Variants in SRFBP1 observed in about 807,000 individuals in gnomAD.
The protein encoded by SRFBP1 is serum response factor binding protein 1.
Under a neutral mutation model 45.5 loss-of-function variants are expected in SRFBP1, and 47 were observed. That is an observed-to-expected ratio of 1.03 (90% CI 0.82 to 1.32). SRFBP1 has a LOEUF of 1.32. SRFBP1 is among the 40% of genes most tolerant of loss of function. The pLI, the probability that SRFBP1 is intolerant of heterozygous loss-of-function variation, is 0.00. For synonymous variants in SRFBP1, 203 were observed against 166.3 expected, an observed-to-expected ratio of 1.22 and a Z score of -1.70; for missense variants, 621 against 484.6, an observed-to-expected ratio of 1.28 and a Z score of -2.64.
At chr5:121,974,765 G>T (rs910901156) in intron 2 of SRFBP1, among the ~76,000 whole-genome samples, 7 of 151,606 alleles carry the variant, frequency 4.6e-5, no homozygotes, top group Non-Finnish European at 8.9e-5. Flanking sequence ...ACAATATTTT[G>T]TATTTTCAGT....
In SRFBP1 at chr5:122,027,112, A is replaced by G. The variant is rs775277775; in HGVS notation, c.1276A>G (p.Thr426Ala). Residue 426 changes from threonine to alanine, a missense_variant, in exon 8 of 8, where the codon ACG becomes GCG. Transcript: ENST00000339397. ...TGCTGTGTTTCAGGGGAAAAAAATT[A>G]CGTTTGATGATTGATTAGTGCCTCT... Reference protein sequence around the residue: ...NIAVFQGKKITFDD With the variant: ...NIAVFQGKKIAFDD The G allele has an allele frequency of 2.6e-5, 42 of 1,601,270 alleles. No individual in the cohort carries two copies. Among genetic ancestry groups the G allele is most frequent in the Admixed American group, 3.5e-5 (2 of 56,900 alleles).
At chr5:122,040,291 A>G (rs930212972) in intron 2 of SRFBP1, among the ~76,000 whole-genome samples, 1 of 152,160 alleles carries the variant, frequency 6.6e-6, no homozygotes, top group Admixed American at 6.5e-5. Flanking sequence ...AGAACAAATT[A>G]TATGTACAGG....
chr5:121,962,526 C>T (rs942658454), intron 1 of SRFBP1, among the ~76,000 whole-genome samples: 1 of 152,218 alleles, frequency 6.6e-6, no homozygotes, highest in Non-Finnish European at 1.5e-5. Context: ...TTGAATGAGA[C>T]TGTATGCTCA....
intron 3 of SRFBP1, among the ~76,000 whole-genome samples, chr5:121,991,130 C>T (rs1373206827): frequency 6.6e-6 from 1 of 152,094 alleles, no homozygotes; most frequent in Non-Finnish European, 1.5e-5. Context: ...TGAATTATTT[C>T]AGATCTTGAA....
At chr5:122,040,294 T>A (rs568378687) in intron 2 of SRFBP1, among the ~76,000 whole-genome samples, 24 of 152,278 alleles carry the variant, frequency 1.6e-4, no homozygotes, top group Admixed American at 1.4e-3. Flanking sequence ...ACAAATTATA[T>A]GTACAGGAAC....
chr5:122,058,127 C>G (rs1300394080), intron 2 of SRFBP1, among the ~76,000 whole-genome samples: 9 of 152,080 alleles, frequency 5.9e-5, no homozygotes, highest in African/African-American at 2.2e-4. Flanking sequence ...GTGTTATTCT[C>G]TCACTTTCTT....
chr5:122,050,934 G>A (rs944056830), intron 2 of SRFBP1, among the ~76,000 whole-genome samples: 3 of 152,124 alleles, frequency 2.0e-5, no homozygotes, highest in Non-Finnish European at 2.9e-5. Flanking sequence ...GTGTCCTAGA[G>A]ATTCTAGTAT....
intron 2 of SRFBP1, among the ~76,000 whole-genome samples, chr5:122,035,271 G>T (rs2112724455): frequency 6.6e-6 from 1 of 152,162 alleles, no homozygotes; most frequent in South Asian, 2.1e-4. Context: ...AGTTTTATCT[G>T]CCCTGTCTCC....
chr5:122,038,519 A>G (rs1258398258), intron 2 of SRFBP1, among the ~76,000 whole-genome samples: 1 of 152,216 alleles, frequency 6.6e-6, no homozygotes, highest in South Asian at 2.1e-4. Flanking sequence ...AGCAAAACAA[A>G]AATGAAAAGC....
rs1191389932 is a variant in SRFBP1 at position 122,027,744 on chromosome 5, TATTA to T, written c.*622_*625del. The T allele has an allele frequency of 5.9e-5, 9 of 152,154 alleles. No homozygotes were observed. Among genetic ancestry groups the T allele is most frequent in the Non-Finnish European group, 7.4e-5 (5 of 68,010 alleles). 9.4% of individuals were successfully genotyped at this position (152,154 alleles called of 1,614,324 possible). A position where few individuals can be genotyped will look rare whatever the true frequency, so the allele number is the denominator to read the frequency against. On this transcript the variant is annotated 3_prime_UTR_variant, in exon 8 of 8. Coordinates refer to ENST00000339397, the MANE Select transcript of SRFBP1 (RefSeq NM_152546.3). ...CTTTTATTATGGATGTACAGATAAA[TATTA>T]ATTTTATTATAGTTTTAAGTACTTG... is the stretch of plus-strand genomic sequence containing the variant.
At chr5:122,004,646 C>T (rs1437361374) in intron 4 of SRFBP1, among the ~76,000 whole-genome samples, 3 of 151,950 alleles carry the variant, frequency 2.0e-5, no homozygotes, top group African/African-American at 4.8e-5. Context: ...GTTTTTCTCA[C>T]GTCTCTCTCA....
chr5:122,025,733 T>C (rs1753466713), intron 7 of SRFBP1, among the ~76,000 whole-genome samples: 1 of 152,236 alleles, frequency 6.6e-6, no homozygotes, highest in African/African-American at 2.4e-5. Context: ...GATAATGTTT[T>C]GTAAATATTA....
intron 2 of SRFBP1, among the ~76,000 whole-genome samples, chr5:122,057,942 A>G (rs1360354688): frequency 6.6e-6 from 1 of 152,072 alleles, no homozygotes; most frequent in African/African-American, 2.4e-5. Context: ...GCCTCCCCCA[A>G]GTGCTAAGAT....
intron 2 of SRFBP1, among the ~76,000 whole-genome samples, chr5:122,048,749 C>A (rs1753912114): frequency 6.6e-6 from 1 of 152,110 alleles, no homozygotes; most frequent in South Asian, 2.1e-4. Flanking sequence ...TTCAGAGATT[C>A]AACTTCTTCC....
At chr5:122,062,611 C>A (rs1754190299) in intron 2 of SRFBP1, among the ~76,000 whole-genome samples, 1 of 152,012 alleles carries the variant, frequency 6.6e-6, no homozygotes, top group Non-Finnish European at 1.5e-5. Context: ...TCAGGTATCA[C>A]TGATATTCTA....
At chr5:122,025,692 G>T (rs17148711) in intron 7 of SRFBP1, among the ~76,000 whole-genome samples, 2 of 152,236 alleles carry the variant, frequency 1.3e-5, no homozygotes, top group African/African-American at 4.8e-5. Flanking sequence ...TGTGATTTGT[G>T]TAAGATAAGG....
intron 4 of SRFBP1, among the ~76,000 whole-genome samples, chr5:122,008,923 G>T (rs1162794952): frequency 6.6e-6 from 1 of 151,934 alleles, no homozygotes; most frequent in South Asian, 2.1e-4. Context: ...CGTGAGTTTT[G>T]GGAGCTCTGG....
At chr5:122,043,463 A>T (rs555138549) in intron 2 of SRFBP1, among the ~76,000 whole-genome samples, 47 of 152,046 alleles carry the variant, frequency 3.1e-4, no homozygotes, top group Non-Finnish European at 5.7e-4. Flanking sequence ...TGATCCGCCC[A>T]CTTCAGCATC....
intron 2 of SRFBP1, among the ~76,000 whole-genome samples, chr5:122,062,951 A>G (rs955863210): frequency 5.9e-5 from 9 of 152,108 alleles, no homozygotes; most frequent in Admixed American, 5.3e-4. Flanking sequence ...TGTTCTTGCA[A>G]TGCCTGCTCT....
Sources: allele counts gnomAD v4.1 joint callset (sites outside exome capture counted in the v4.1 genomes callset), GRCh38; gene constraint gnomAD v4.1.1; transcripts MANE v1.5; gene names NCBI Gene and HGNC (gene_info 2026-07-23, HGNC 2026-07-21).